The following PACRG variants were observed in gnomAD, a reference collection of about 807,000 sequenced individuals.
PACRG encodes the protein parkin coregulated, also known as parkin coregulated gene protein.
PACRG carries 29 observed loss-of-function variants against 29.7 expected under a neutral mutation model. That is an observed-to-expected ratio of 0.98 (90% CI 0.73 to 1.33). The LOEUF is 1.33. Ranked by LOEUF, PACRG falls within the 40% of genes most tolerant of loss-of-function variation. The probability of loss-of-function intolerance (pLI) is 0.00; values close to 1 mark genes in which losing one functional copy is unlikely to be tolerated. For synonymous variants in PACRG, 116 were observed against 118.7 expected (o/e 0.98, Z 0.15); for missense variants, 279 against 316.2 (o/e 0.88, Z 0.89).
chr6:162,798,482 C>T (rs1785570281), intron 1 of PACRG, among the ~76,000 whole-genome samples: 1 of 152,132 alleles, frequency 6.6e-6, no homozygotes, highest in African/African-American at 2.4e-5. Context: ...CTTATGTTAG[C>T]TGCTTTTGGT....
chr6:163,218,578 C>T (rs777455333), intron 4 of PACRG, among the ~76,000 whole-genome samples: 1 of 152,210 alleles, frequency 6.6e-6, no homozygotes, highest in Non-Finnish European at 1.5e-5. Flanking sequence ...GTCAGGGCCC[C>T]TGGCAGCCTT....
At chr6:162,831,235 T>G (rs78594110) in intron 2 of PACRG, among the ~76,000 whole-genome samples, 5,298 of 152,302 alleles carry the variant, frequency 0.035, 124 homozygotes, top group East Asian at 0.055. Flanking sequence ...CACCACTTAT[T>G]CATTCTAAGA....
chr6:163,191,557 T>C (rs1173268264), intron 4 of PACRG: 5 of 435,234 alleles, frequency 1.1e-5, no homozygotes, highest in Admixed American at 9.7e-5. Flanking sequence ...GGGTTTCTCC[T>C]AGCTCAAGGA....
chr6:162,947,573 C>CATATAT (rs1209027610), intron 2 of PACRG, among the ~76,000 whole-genome samples: 1 of 57,428 alleles, frequency 1.7e-5, no homozygotes. Flanking sequence ...TATATATACT[C>CATATAT]ATATATAATC....
intron 2 of PACRG, among the ~76,000 whole-genome samples, chr6:162,878,032 C>T (rs1368335167): frequency 1.3e-5 from 2 of 152,002 alleles, no homozygotes; most frequent in East Asian, 3.9e-4. Flanking sequence ...TGGGTAAATA[C>T]TAAATTTAGA....
intron 2 of PACRG, among the ~76,000 whole-genome samples, chr6:162,995,190 TTTTG>T (rs1803874083): frequency 6.7e-6 from 1 of 148,774 alleles, no homozygotes; most frequent in African/African-American, 2.5e-5. Flanking sequence ...ACTGCTGTCT[TTTTG>T]TTTGTCTGTG....
At chr6:162,852,814 C>G (rs977865366) in intron 2 of PACRG, among the ~76,000 whole-genome samples, 1 of 152,250 alleles carries the variant, frequency 6.6e-6, no homozygotes, top group Admixed American at 6.5e-5. Context: ...AATTATATGC[C>G]AACAATCACA....
At chr6:162,977,573 C>T (rs967971740) in intron 2 of PACRG, among the ~76,000 whole-genome samples, 1 of 152,018 alleles carries the variant, frequency 6.6e-6, no homozygotes, top group East Asian at 1.9e-4. Context: ...ACTGACCAAA[C>T]CCTTCCAACT....
chr6:163,165,223 C>T lies in PACRG; in HGVS notation c.613+75815C>T, dbSNP rs1778742586. ...AGGAGTGACAGTTTCTGGAGATGCACGTTAAGTGCTGTCTAGGGCCAGGAA... is the reference window on the plus strand; with the variant it reads ...AGGAGTGACAGTTTCTGGAGATGCATGTTAAGTGCTGTCTAGGGCCAGGAA... On this transcript the variant is annotated intron_variant, in intron 4 of 4. Transcript: ENST00000366888. Among the ~76,000 whole-genome samples, 3 of 152,276 alleles carry T rather than the reference C, an allele frequency of 2.0e-5. No homozygotes were observed. The South Asian group carries it at 6.2e-4, about 32-fold the overall frequency.
intron 4 of PACRG, among the ~76,000 whole-genome samples, chr6:163,224,093 G>A (rs1781690559): frequency 6.6e-6 from 1 of 152,064 alleles, no homozygotes; most frequent in Non-Finnish European, 1.5e-5. Context: ...CTGGGACCAG[G>A]CGTGGTGGCT....
At chr6:162,944,998 T>A (rs1798902284) in intron 2 of PACRG, among the ~76,000 whole-genome samples, 1 of 151,598 alleles carries the variant, frequency 6.6e-6, no homozygotes, top group Admixed American at 6.6e-5. Flanking sequence ...GATCCCCAAA[T>A]AGAAAGTGTA....
intron 2 of PACRG, among the ~76,000 whole-genome samples, chr6:163,036,990 T>C (rs188826737): frequency 2.0e-5 from 3 of 149,838 alleles, no homozygotes; most frequent in African/African-American, 4.8e-5. Flanking sequence ...TAAAGAAAGA[T>C]AGACCTAACG....
chr6:163,253,844 G>A (rs923693786), intron 4 of PACRG, among the ~76,000 whole-genome samples: 5 of 152,198 alleles, frequency 3.3e-5, no homozygotes, highest in South Asian at 2.1e-4. Flanking sequence ...TCCAAAGGAC[G>A]TGCTCCCGGC....
intron 4 of PACRG, among the ~76,000 whole-genome samples, chr6:163,223,109 A>G (rs146960595): frequency 6.6e-6 from 1 of 152,306 alleles, no homozygotes; most frequent in Non-Finnish European, 1.5e-5. Context: ...ACAAAAGAAC[A>G]TTGACCGGGC....
chr6:162,969,634 C>G (rs1359248973), intron 2 of PACRG, among the ~76,000 whole-genome samples: 1 of 152,116 alleles, frequency 6.6e-6, no homozygotes, highest in Non-Finnish European at 1.5e-5. Context: ...CAAGTTCTGT[C>G]CATTTTGATA....
chr6:163,081,958 C>A (rs1813127051), intron 3 of PACRG, among the ~76,000 whole-genome samples: 1 of 152,086 alleles, frequency 6.6e-6, no homozygotes, highest in South Asian at 2.1e-4. Context: ...AGAAAGCAAA[C>A]ACAAATTTAA....
At chr6:163,253,658 C>T (rs886240961) in intron 4 of PACRG, among the ~76,000 whole-genome samples, 1 of 152,152 alleles carries the variant, frequency 6.6e-6, no homozygotes, top group African/African-American at 2.4e-5. Context: ...CATCACCTGG[C>T]CCAAAAACTG....
At chr6:163,037,112 C>T (rs890066451) in intron 2 of PACRG, among the ~76,000 whole-genome samples, 7 of 152,202 alleles carry the variant, frequency 4.6e-5, no homozygotes, top group African/African-American at 1.7e-4. Context: ...CCCTCTTTGT[C>T]ATCCGTAACT....
At chr6:163,134,611 AT>A (rs1816856632) in intron 4 of PACRG, among the ~76,000 whole-genome samples, 1 of 152,230 alleles carries the variant, frequency 6.6e-6, no homozygotes, top group South Asian at 2.1e-4. Flanking sequence ...GGGGAAAAAA[AT>A]ACTCTATTAA....
Sources: allele counts gnomAD v4.1 joint callset (sites outside exome capture counted in the v4.1 genomes callset), GRCh38; gene constraint gnomAD v4.1.1; transcripts MANE v1.5; gene names NCBI Gene and HGNC (gene_info 2026-07-23, HGNC 2026-07-21).